Variants in MORN5 observed in about 807,000 individuals in gnomAD.
MORN5 encodes MORN repeat-containing protein 5.
Under a neutral mutation model 22.1 loss-of-function variants are expected in MORN5, and 21 were observed. The ratio of observed to expected loss-of-function variants is 0.95; its 90% CI spans 0.67 to 1.37. MORN5 has a LOEUF of 1.37. Ranked by LOEUF, MORN5 falls within the 40% of genes most tolerant of loss-of-function variation. MORN5 has a pLI of 0.00. For synonymous variants in MORN5, 73 were observed against 74.0 expected, an observed-to-expected ratio of 0.99 and a Z score of 0.07; for missense variants, 211 against 215.1, an observed-to-expected ratio of 0.98 and a Z score of 0.12.
chr9:122,164,865 G>A (rs191330722), intron 1 of MORN5, among the ~76,000 whole-genome samples: 11 of 152,278 alleles, frequency 7.2e-5, no homozygotes, highest in Non-Finnish European at 1.2e-4. Flanking sequence ...CACAACCATC[G>A]TCTCACTCAG....
chr9:122,175,957 GC>G (rs1263503172), intron 4 of MORN5, among the ~76,000 whole-genome samples: 1 of 151,624 alleles, frequency 6.6e-6, no homozygotes, highest in South Asian at 2.1e-4. Context: ...TACTAAAAAT[GC>G]AAAAAATTAG....
intron 1 of MORN5, among the ~76,000 whole-genome samples, chr9:122,162,325 T>A (rs748970402): frequency 2.6e-5 from 4 of 152,204 alleles, no homozygotes; most frequent in Non-Finnish European, 5.9e-5. Flanking sequence ...TAGAGTAACC[T>A]CTCTATACAG....
intron 1 of MORN5, chr9:122,164,769 T>G: frequency 7.2e-5 from 13 of 181,244 alleles, no homozygotes; most frequent in Non-Finnish European, 1.2e-4. Flanking sequence ...GAAGAGGAAT[T>G]CTCCCTTCCC....
chr9:122,196,140 G>T (rs1366264825), intron 4 of MORN5, among the ~76,000 whole-genome samples: 1 of 150,742 alleles, frequency 6.6e-6, no homozygotes, highest in African/African-American at 2.4e-5. Context: ...TCTATTTTTT[G>T]CAGAGAGGAG....
intron 4 of MORN5, among the ~76,000 whole-genome samples, chr9:122,180,071 T>G (rs1393480105): frequency 6.6e-6 from 1 of 152,220 alleles, no homozygotes; most frequent in Non-Finnish European, 1.5e-5. Flanking sequence ...TGTGAGAATT[T>G]AAATCCATCC....
intron 2 of MORN5, 139 bp downstream of exon 2, chr9:122,167,054 CACTT>C: frequency 1.4e-6 from 1 of 724,234 alleles, no homozygotes. Context: ...CCACTCCCCC[CACTT>C]TTTTTTTTTT....
At chr9:122,174,936 G>C in intron 4 of MORN5, 1 of 924,150 alleles carries the variant, frequency 1.1e-6, no homozygotes, top group Non-Finnish European at 1.3e-6. Flanking sequence ...CTATATGCTA[G>C]ACACTGTGCT....
rs567782233 is a variant in MORN5, at chr9:122,178,593, C to T, written c.439+3966C>T. The stretch of plus-strand genomic sequence containing the variant: ...CAAGCAAGGAGAAAAAACTGTATCA[C>T]TACTATAGTTCTCTTTCTGTAACTG... On this transcript the variant is annotated intron_variant, in intron 4 of 4. Coordinates refer to ENST00000373764, the MANE Select transcript of MORN5 (RefSeq NM_198469.4). Among the ~76,000 whole-genome samples, 25 of 152,300 alleles carry T rather than the reference C, an allele frequency of 1.6e-4. No homozygotes were observed. The East Asian group carries it at 4.6e-3, about 28-fold the overall frequency.
intron 1 of MORN5, among the ~76,000 whole-genome samples, chr9:122,166,508 T>A (rs1829285169): frequency 6.6e-6 from 1 of 152,080 alleles, no homozygotes; most frequent in African/African-American, 2.4e-5. Context: ...TAGGGGGGTT[T>A]ATTTCAGGGA....
chr9:122,176,831 T>G (rs1829459286), intron 4 of MORN5, among the ~76,000 whole-genome samples: 1 of 152,050 alleles, frequency 6.6e-6, no homozygotes, highest in Non-Finnish European at 1.5e-5. Context: ...TGAGCCAAGA[T>G]AGCGCCACTC....
chr9:122,199,960 C>G lies in MORN5; in HGVS notation c.*29C>G. 1.2e-6 allele frequency: 2 copies of G among 1,613,108 alleles called. No homozygotes were observed. Among genetic ancestry groups the G allele is most frequent in the Non-Finnish European group, 1.7e-6 (2 of 1,179,074 alleles). The stretch of plus-strand genomic sequence containing the variant: ...GAGATCGTGGGTCACAGGCCCGAGC[C>G]GTGAACTCTGTGGCTGCCTCCACCA... On this transcript the variant is annotated 3_prime_UTR_variant, in exon 5 of 5. Transcript: ENST00000373764.
chr9:122,174,685 A>C (rs576347657), intron 4 of MORN5, 58 bp downstream of exon 4: 52 of 1,612,364 alleles, frequency 3.2e-5, no homozygotes, highest in Non-Finnish European at 4.2e-5. Context: ...GAGTATGTGC[A>C]TCTGTATGTA....
chr9:122,175,689 C>A, intron 4 of MORN5: 1 of 985,362 alleles, frequency 1.0e-6, no homozygotes, highest in Non-Finnish European at 1.2e-6. Flanking sequence ...AGAAACCTTG[C>A]TCTATAATGA....
intron 4 of MORN5, among the ~76,000 whole-genome samples, chr9:122,198,311 C>T (rs1829940050): frequency 6.6e-6 from 1 of 152,170 alleles, no homozygotes; most frequent in Non-Finnish European, 1.5e-5. Flanking sequence ...TTCCGCCAGC[C>T]CTCTGTATTT....
chr9:122,179,392 G>A (rs1010581035), intron 4 of MORN5, among the ~76,000 whole-genome samples: 2 of 152,172 alleles, frequency 1.3e-5, no homozygotes, highest in Admixed American at 6.5e-5. Context: ...GAGGCCAAAG[G>A]AGATCAGATT....
At chr9:122,168,870 G>A (rs1007843179) in intron 2 of MORN5, among the ~76,000 whole-genome samples, 2 of 152,136 alleles carry the variant, frequency 1.3e-5, no homozygotes. Context: ...AGATTATGGA[G>A]GCTAAGAAGC....
At chr9:122,182,484 C>G (rs1829550727) in intron 4 of MORN5, among the ~76,000 whole-genome samples, 1 of 152,260 alleles carries the variant, frequency 6.6e-6, no homozygotes, top group South Asian at 2.1e-4. Flanking sequence ...TGTGCAGTGG[C>G]TCACGCCTGT....
intron 4 of MORN5, among the ~76,000 whole-genome samples, chr9:122,189,287 T>C (rs975588986): frequency 6.6e-6 from 1 of 151,830 alleles, no homozygotes; most frequent in African/African-American, 2.4e-5. Context: ...AGACAAACTC[T>C]CTAACAATTG....
chr9:122,168,766 T>G (rs182737518), intron 2 of MORN5, among the ~76,000 whole-genome samples: 2 of 152,328 alleles, frequency 1.3e-5, no homozygotes, highest in East Asian at 3.9e-4. Context: ...GCTTACTTTG[T>G]GTCAGTGTGT....
Sources: gnomAD v4.1 joint callset for allele counts (sites outside exome capture counted in the v4.1 genomes callset) on GRCh38, gnomAD v4.1.1 for gene constraint, MANE v1.5 for transcripts, NCBI Gene and HGNC (gene_info 2026-07-23, HGNC 2026-07-21) for gene names.